The following PTPRD variants were observed in gnomAD, a reference collection of about 807,000 sequenced individuals.
PTPRD encodes the protein receptor-type tyrosine-protein phosphatase delta.
In PTPRD, 34 loss-of-function variants were observed where a neutral mutation model predicts 214.5. The observed-to-expected ratio is 0.16, with a 90% confidence interval of 0.12 to 0.21. PTPRD has a LOEUF of 0.21. Among genes scored for constraint, PTPRD ranks in the 10% least tolerant of loss-of-function variants. PTPRD has a pLI of 1.00. For synonymous variants in PTPRD, 1,128 were observed against 845.7 expected, an observed-to-expected ratio of 1.33 and a Z score of -5.79; for missense variants, 2,545 against 2,398.7, an observed-to-expected ratio of 1.06 and a Z score of -1.27.
chr9:10,187,661 G>C (rs1328851181), intron 3 of PTPRD, among the ~76,000 whole-genome samples: 1 of 152,202 alleles, frequency 6.6e-6, no homozygotes, highest in African/African-American at 2.4e-5. Flanking sequence ...AGCCGTGAAG[G>C]AAAATCTGCC....
At chr9:8,939,380 T>G (rs1393399638) in intron 11 of PTPRD, among the ~76,000 whole-genome samples, 3 of 151,296 alleles carry the variant, frequency 2.0e-5, no homozygotes, top group Non-Finnish European at 4.4e-5. Flanking sequence ...ACATAAAACA[T>G]ACAGACAGAC....
intron 8 of PTPRD, among the ~76,000 whole-genome samples, chr9:9,570,288 G>A (rs1391142304): frequency 6.6e-6 from 1 of 151,304 alleles, no homozygotes; most frequent in African/African-American, 2.4e-5. Flanking sequence ...TTTAAATTTT[G>A]GGTCCAAATA....
At chr9:9,023,602 G>A (rs1034906646) in intron 10 of PTPRD, among the ~76,000 whole-genome samples, 1 of 151,698 alleles carries the variant, frequency 6.6e-6, no homozygotes, top group African/African-American at 2.4e-5. Flanking sequence ...GGGGTATATC[G>A]CATCCAGCTA....
At chr9:10,117,584 T>G (rs2098740727) in intron 3 of PTPRD, among the ~76,000 whole-genome samples, 1 of 147,644 alleles carries the variant, frequency 6.8e-6, no homozygotes, top group Non-Finnish European at 1.5e-5. Context: ...TCACTTGGCC[T>G]TCTTCCCTGT....
intron 2 of PTPRD, among the ~76,000 whole-genome samples, chr9:10,368,955 T>C (rs2097562965): frequency 6.6e-6 from 1 of 152,108 alleles, no homozygotes; most frequent in African/African-American, 2.4e-5. Flanking sequence ...AGAGCTATTT[T>C]ACCCATTTTA....
At chr9:8,871,776 CAATAAT>C (rs57914599) in intron 11 of PTPRD, among the ~76,000 whole-genome samples, 35,908 of 151,514 alleles carry the variant, frequency 0.24, 4,895 homozygotes, top group East Asian at 0.43. Flanking sequence ...CTTGGTACAG[CAATAAT>C]AATAATAATA....
chr9:8,609,101 G>C (rs575306126), intron 14 of PTPRD, among the ~76,000 whole-genome samples: 11 of 152,320 alleles, frequency 7.2e-5, no homozygotes, highest in Admixed American at 3.9e-4. Flanking sequence ...TCTTAAAAGT[G>C]AATGAGAATT....
chr9:8,697,417 C>CTTTTTTTTTTTTTTTTTTTTTTTTTATT (rs752677458), intron 12 of PTPRD, among the ~76,000 whole-genome samples: 1 of 63,244 alleles, frequency 1.6e-5, no homozygotes, highest in African/African-American at 6.7e-5. Flanking sequence ...TTTTTATGTA[C>CTTTTTTTTTTTTTTTTTTTTTTTTTATT]TTTTTTTTTT....
intron 31 of PTPRD, among the ~76,000 whole-genome samples, chr9:8,468,619 G>A (rs142888199): frequency 3.2e-4 from 48 of 151,876 alleles, no homozygotes; most frequent in African/African-American, 1.1e-3. Flanking sequence ...TGAGGTATAC[G>A]TGTGGAAATC....
At chr9:9,779,849 G>A (rs1480415588) in intron 5 of PTPRD, among the ~76,000 whole-genome samples, 3 of 152,144 alleles carry the variant, frequency 2.0e-5, no homozygotes, top group Admixed American at 6.6e-5. Context: ...GCAGTTTGGA[G>A]GTTTCTCAAA....
chr9:10,531,134 G>A (rs985075862), intron 2 of PTPRD, among the ~76,000 whole-genome samples: 1 of 152,032 alleles, frequency 6.6e-6, no homozygotes, highest in African/African-American at 2.4e-5. Context: ...ATTTTTAGTA[G>A]AGACGGGGTT....
chr9:10,466,501 T>C (rs923882464), intron 2 of PTPRD, among the ~76,000 whole-genome samples: 3 of 151,266 alleles, frequency 2.0e-5, no homozygotes, highest in East Asian at 3.9e-4. Flanking sequence ...CGCATGCCTG[T>C]AATCCCAGCT....
At chr9:10,356,430 G>A (rs2097279098) in intron 2 of PTPRD, among the ~76,000 whole-genome samples, 1 of 152,064 alleles carries the variant, frequency 6.6e-6, no homozygotes, top group African/African-American at 2.4e-5. Flanking sequence ...AGTGATATTT[G>A]AATAATTGTT....
At chr9:9,090,847 T>C (rs1382380100) in intron 10 of PTPRD, 2 of 797,744 alleles carry the variant, frequency 2.5e-6, no homozygotes, top group Non-Finnish European at 4.4e-6. Flanking sequence ...TTGACAATGA[T>C]GACAGGTTAA....
intron 14 of PTPRD, among the ~76,000 whole-genome samples, chr9:8,567,612 G>A (rs1316722813): frequency 1.3e-5 from 2 of 152,164 alleles, no homozygotes; most frequent in Non-Finnish European, 2.9e-5. Context: ...ATGAATAAAT[G>A]AATTCAGTTA....
chr9:8,981,469 C>T (rs775893164), intron 11 of PTPRD, among the ~76,000 whole-genome samples: 37 of 151,858 alleles, frequency 2.4e-4, no homozygotes, highest in Non-Finnish European at 4.7e-4. Context: ...TCCATGGAGC[C>T]ACTGGATTTG....
chr9:8,523,977 G>T (rs1466658723), intron 18 of PTPRD, among the ~76,000 whole-genome samples: 2 of 152,086 alleles, frequency 1.3e-5, no homozygotes, highest in Non-Finnish European at 2.9e-5. Flanking sequence ...CCATCCTATT[G>T]TAACTTAAAG....
At chr9:10,483,245 A>C (rs1428849130) in intron 2 of PTPRD, among the ~76,000 whole-genome samples, 2 of 152,146 alleles carry the variant, frequency 1.3e-5, no homozygotes, top group African/African-American at 4.8e-5. Flanking sequence ...AGAAAAATGA[A>C]ACTGGATCCT....
At position 8,315,963 on chromosome 9, in the gene PTPRD, C is replaced by T. The variant is rs573934376; in HGVS notation, c.*1911G>A. On this transcript the variant is annotated 3_prime_UTR_variant, in exon 46 of 46. Coordinates refer to ENST00000381196, the MANE Select transcript of PTPRD (RefSeq NM_002839.4). ...ACATATATATATATAGTTTATTTCC[C>T]CTTTTAGAAAAATCCTAATGGAATA... The T allele has an allele frequency of 4.4e-6, 1 of 226,432 alleles. No individual in the cohort carries two copies. Among genetic ancestry groups the T allele is most frequent in the East Asian group, 6.4e-5 (1 of 15,590 alleles). 14.0% of individuals were successfully genotyped at this position (226,432 alleles called of 1,614,324 possible). A position where few individuals can be genotyped will look rare whatever the true frequency, so the allele number is the denominator to read the frequency against.
Sources: allele counts gnomAD v4.1 joint callset (sites outside exome capture counted in the v4.1 genomes callset), GRCh38; gene constraint gnomAD v4.1.1; transcripts MANE v1.5; gene names NCBI Gene and HGNC (gene_info 2026-07-23, HGNC 2026-07-21).